The following KPNA4 variants were observed in gnomAD, a reference collection of about 807,000 sequenced individuals.
The protein encoded by KPNA4 is karyopherin subunit alpha 4.
In KPNA4, 13 loss-of-function variants were observed where a neutral mutation model predicts 71.3. That is an observed-to-expected ratio of 0.18 (90% CI 0.12 to 0.29). The LOEUF (loss-of-function observed/expected upper bound fraction) is 0.29, where lower values mean the gene tolerates loss of function less well. Ranked by LOEUF, KPNA4 falls within the 10% of genes least tolerant of loss-of-function variation. The pLI, the probability that KPNA4 is intolerant of heterozygous loss-of-function variation, is 1.00. For synonymous variants in KPNA4, 189 were observed against 195.2 expected (o/e 0.97, Z 0.26); for missense variants, 334 against 603.2 (o/e 0.55, Z 4.67).
At chr3:160,563,753 T>C (rs995558811) in intron 1 of KPNA4, among the ~76,000 whole-genome samples, 2 of 152,140 alleles carry the variant, frequency 1.3e-5, no homozygotes, top group African/African-American at 2.4e-5. Flanking sequence ...TGAAAAATCA[T>C]TGTTATTTAA....
intron 7 of KPNA4, among the ~76,000 whole-genome samples, chr3:160,530,449 A>C (rs908721310): frequency 1.6e-4 from 25 of 152,168 alleles, no homozygotes; most frequent in African/African-American, 6.0e-4. Context: ...ATTGTATTCC[A>C]GCCTGGCCAA....
At chr3:160,509,926 A>G in intron 13 of KPNA4, 55 bp from the exon 14 acceptor site, 2 of 1,097,158 alleles carry the variant, frequency 1.8e-6, no homozygotes, top group Admixed American at 3.7e-5. Flanking sequence ...TAAACTGGAA[A>G]AAATGTTTGC....
chr3:160,541,649 GCACACACA>G (rs60806533), intron 1 of KPNA4, among the ~76,000 whole-genome samples: 7 of 146,648 alleles, frequency 4.8e-5, no homozygotes, highest in Admixed American at 6.8e-5. Flanking sequence ...TTATATACGC[GCACACACA>G]CACACACACA....
intron 1 of KPNA4, among the ~76,000 whole-genome samples, chr3:160,544,873 A>C (rs1048743806): frequency 3.3e-5 from 5 of 152,336 alleles, no homozygotes; most frequent in Admixed American, 2.0e-4. Context: ...TTTTCCTTCT[A>C]TGTTATAAGA....
At chr3:160,560,910 T>C (rs1322665369) in intron 1 of KPNA4, among the ~76,000 whole-genome samples, 2 of 152,060 alleles carry the variant, frequency 1.3e-5, no homozygotes, top group African/African-American at 4.8e-5. Flanking sequence ...TTCCAAGATT[T>C]GTGGTGAGAG....
chr3:160,535,014 G>A (rs923157526), intron 5 of KPNA4, among the ~76,000 whole-genome samples: 3 of 151,784 alleles, frequency 2.0e-5, no homozygotes, highest in Non-Finnish European at 4.4e-5. Flanking sequence ...GAGCCACCTC[G>A]CCCGGCCGTC....
At chr3:160,546,844 C>T (rs926773485) in intron 1 of KPNA4, among the ~76,000 whole-genome samples, 11 of 152,148 alleles carry the variant, frequency 7.2e-5, no homozygotes, top group Non-Finnish European at 1.0e-4. Context: ...TGGTATAGTA[C>T]TGAACTGAAT....
intron 5 of KPNA4, among the ~76,000 whole-genome samples, chr3:160,533,961 T>A (rs962731112): frequency 2.0e-5 from 3 of 152,220 alleles, no homozygotes; most frequent in Non-Finnish European, 4.4e-5. Flanking sequence ...TAATCATTCT[T>A]CCTATAAACA....
At chr3:160,536,077 C>G (rs1485035081) in intron 2 of KPNA4, among the ~76,000 whole-genome samples, 180 bp from the exon 3 acceptor site, 3 of 151,906 alleles carry the variant, frequency 2.0e-5, no homozygotes, top group Non-Finnish European at 2.9e-5. Context: ...ACCACTCACG[C>G]AACACTAATT....
At chr3:160,529,634 A>G (rs954574558) in intron 7 of KPNA4, among the ~76,000 whole-genome samples, 2 of 152,194 alleles carry the variant, frequency 1.3e-5, no homozygotes, top group Non-Finnish European at 2.9e-5. Flanking sequence ...TTTTAAAAGT[A>G]TCTTCTTTAA....
At chr3:160,533,258 C>T (rs1157419837) in intron 5 of KPNA4, among the ~76,000 whole-genome samples, 1 of 152,158 alleles carries the variant, frequency 6.6e-6, no homozygotes, top group African/African-American at 2.4e-5. Context: ...CTCCTGACCT[C>T]AAGTGATCCC....
chr3:160,533,070 C>T (rs1721605215), intron 5 of KPNA4, among the ~76,000 whole-genome samples: 1 of 152,182 alleles, frequency 6.6e-6, no homozygotes, highest in African/African-American at 2.4e-5. Flanking sequence ...GTCACTCAGG[C>T]TGGAGTGCAG....
Position 160,525,965 on chromosome 3 carries a change from T to C in KPNA4, c.699A>G (p.Pro233=). ...VMVNLCRHKD[P]PPPMETIQEI... The stretch of plus-strand genomic sequence containing the variant: ...CCTGAATGGTTTCCATTGGTGGTGG[T>C]GGGTCTTTGTGGCGACATAAGTTGA... The change falls in exon 9 of 17, where the codon CCA becomes CCG. Residue 233 remains proline (P), a synonymous_variant. Coordinates refer to ENST00000334256, the MANE Select transcript of KPNA4 (RefSeq NM_002268.5). 1 of 1,588,454 alleles carries C rather than the reference T, an allele frequency of 6.3e-7. No individual in the cohort carries two copies. The highest frequency in any genetic ancestry group is 8.6e-7 in the Non-Finnish European group (1 of 1,169,316).
intron 1 of KPNA4, among the ~76,000 whole-genome samples, chr3:160,538,263 G>GT (rs1560052311): frequency 6.6e-6 from 1 of 151,862 alleles, no homozygotes. Flanking sequence ...AAAATGTAAT[G>GT]TAAGTGCTTC....
intron 1 of KPNA4, among the ~76,000 whole-genome samples, chr3:160,547,685 C>T (rs1191494249): frequency 6.6e-6 from 1 of 152,126 alleles, no homozygotes; most frequent in African/African-American, 2.4e-5. Flanking sequence ...AGTATTTTAT[C>T]ACTGCCCTAA....
chr3:160,503,954 A>T (rs7645832), intron 16 of KPNA4, among the ~76,000 whole-genome samples: 87,380 of 151,908 alleles, frequency 0.58, 25,855 homozygotes, highest in African/African-American at 0.67. Context: ...CATAGTGGCA[A>T]GCACTTGTAA....
chr3:160,562,544 C>A (rs575096066), intron 1 of KPNA4, among the ~76,000 whole-genome samples: 2 of 152,074 alleles, frequency 1.3e-5, no homozygotes, highest in Non-Finnish European at 2.9e-5. Flanking sequence ...AGAGATAGAC[C>A]AGATATGTAA....
intron 13 of KPNA4, among the ~76,000 whole-genome samples, chr3:160,513,066 T>TA (rs1721131770): frequency 1.3e-5 from 2 of 152,228 alleles, no homozygotes; most frequent in East Asian, 1.9e-4. Flanking sequence ...TTAATATCAC[T>TA]ACATGTAAGA....
chr3:160,555,519 T>C lies in KPNA4; in HGVS notation c.69+9695A>G, dbSNP rs930826199. Among the ~76,000 whole-genome samples the C allele has an allele frequency of 2.6e-5, 4 of 152,288 alleles. 1 individual carries two copies. The South Asian group carries it at 8.3e-4, about 32-fold the overall frequency. Reference sequence around the variant, plus strand: ...TACATATCTATGATAAAACTTACTTTATCAATTAGGCACAGTAAGAGATTA... The same window carrying C: ...TACATATCTATGATAAAACTTACTTCATCAATTAGGCACAGTAAGAGATTA... On this transcript the variant is annotated intron_variant, in intron 1 of 16. Coordinates refer to ENST00000334256, the MANE Select transcript of KPNA4 (RefSeq NM_002268.5).
Sources: allele counts gnomAD v4.1 joint callset (sites outside exome capture counted in the v4.1 genomes callset), GRCh38; gene constraint gnomAD v4.1.1; transcripts MANE v1.5; gene names NCBI Gene and HGNC (gene_info 2026-07-23, HGNC 2026-07-21).